The following CIP2A variants were observed in gnomAD, a reference collection of about 807,000 sequenced individuals.
The protein encoded by CIP2A is cellular inhibitor of PP2A.
A neutral mutation model predicts 110.9 loss-of-function variants in CIP2A; 103 were observed. That is an observed-to-expected ratio of 0.93 (90% CI 0.79 to 1.09). The LOEUF is 1.09. Among genes scored for constraint, CIP2A ranks in the 50% least tolerant of loss-of-function variants. The pLI, the probability that CIP2A is intolerant of heterozygous loss-of-function variation, is 0.00. For synonymous variants in CIP2A, 381 were observed against 361.6 expected (o/e 1.05, Z -0.61); for missense variants, 1,088 against 1,038.4 (o/e 1.05, Z -0.66).
intron 11 of CIP2A, among the ~76,000 whole-genome samples, chr3:108,565,906 T>G (rs1306916715): frequency 1.3e-5 from 2 of 151,764 alleles, no homozygotes; most frequent in African/African-American, 4.8e-5. Context: ...ACTCTAAAGG[T>G]CCACAATTAC....
Position 108,551,294 on chromosome 3 carries a change from G to A in CIP2A, c.2573C>T (p.Ala858Val), listed in dbSNP as rs754553542. 2 of 1,611,356 alleles carry A rather than the reference G, an allele frequency of 1.2e-6. No individual in the cohort carries two copies. Among genetic ancestry groups the A allele is most frequent in the African/African-American group, 2.7e-5 (2 of 74,806 alleles). ...IKASSLEVQK[A>V]QLEGRLEEKE... ...CTCTTCCAAACGACCTTCTAATTGT[G>A]CCTTTTGAACCTCTAGGGAGGAAGC... The change falls in exon 21 of 21, where the codon GCA becomes GTA. Residue 858 changes from alanine (A) to valine (V), a missense_variant. Ala to Val is a moderately conservative substitution (Grantham distance 64, BLOSUM62 0). Coordinates refer to ENST00000295746, the MANE Select transcript of CIP2A (RefSeq NM_020890.3).
chr3:108,579,450 A>G, intron 6 of CIP2A, 24 bp from the exon 7 acceptor site: 2 of 1,583,194 alleles, frequency 1.3e-6, no homozygotes, highest in Admixed American at 1.8e-5. Context: ...TAGAAAAAGC[A>G]TATTAGACAA....
At chr3:108,582,230 T>C in intron 3 of CIP2A, 28 bp from the exon 4 acceptor site, 3 of 953,558 alleles carry the variant, frequency 3.1e-6, no homozygotes, top group Non-Finnish European at 4.8e-6. Context: ...GTTATAAATA[T>C]AAAGATATAA....
At chr3:108,572,723 AG>A (rs1237147229) in intron 8 of CIP2A, among the ~76,000 whole-genome samples, 1 of 149,200 alleles carries the variant, frequency 6.7e-6, no homozygotes, top group Non-Finnish European at 1.5e-5. Flanking sequence ...TTTTAATAAT[AG>A]ATTTTAGATT....
chr3:108,572,729 T>C (rs1938440552), intron 8 of CIP2A, among the ~76,000 whole-genome samples: 1 of 144,992 alleles, frequency 6.9e-6, no homozygotes, highest in South Asian at 2.3e-4. Flanking sequence ...TAATAGATTT[T>C]AGATTTTCTA....
In CIP2A at chr3:108,573,926, T is replaced by G. The variant is rs777486648; in HGVS notation, c.894+2345A>C. Among the ~76,000 whole-genome samples the G allele has an allele frequency of 7.9e-4, 120 of 152,216 alleles. 1 individual carries two copies. The highest frequency in any genetic ancestry group is 1.5e-3 in the Non-Finnish European group (100 of 67,984). On this transcript the variant is annotated intron_variant, in intron 8 of 20. Coordinates refer to ENST00000295746, the MANE Select transcript of CIP2A (RefSeq NM_020890.3). ...ACACAAAAGTCACTTGTAGGAAGAT[T>G]ACAGATCTATATGTGAAAGTTAAAA...
chr3:108,571,747 T>A (rs974304359), intron 8 of CIP2A, among the ~76,000 whole-genome samples: 18 of 152,200 alleles, frequency 1.2e-4, no homozygotes, highest in Admixed American at 1.2e-3. Context: ...TTTGTACACA[T>A]GTAAACAATT....
chr3:108,551,181 T>G lies in CIP2A; in HGVS notation c.2686A>C (p.Ile896Leu), dbSNP rs769844710. ...CTGAGATTCACAGTTTCTGGATTTATTTTTCCACCACTTAAACTGTGGATC... is the reference window on the plus strand; with the variant it reads ...CTGAGATTCACAGTTTCTGGATTTAGTTTTCCACCACTTAAACTGTGGATC... ...AMIHSLSGGKINPETVNLSI is the reference protein window; with the variant it reads ...AMIHSLSGGKLNPETVNLSI The change falls in exon 21 of 21, where the codon ATA becomes CTA. Residue 896 changes from isoleucine to leucine, a missense_variant. Coordinates refer to ENST00000295746, the MANE Select transcript of CIP2A (RefSeq NM_020890.3). The G allele has an allele frequency of 1.2e-6, 2 of 1,605,952 alleles. No homozygotes were observed. The highest frequency in any genetic ancestry group is 3.4e-5 in the Admixed American group (2 of 59,508).
chr3:108,578,179 T>C (rs1024196817), intron 7 of CIP2A, among the ~76,000 whole-genome samples: 1 of 152,248 alleles, frequency 6.6e-6, no homozygotes, highest in African/African-American at 2.4e-5. Flanking sequence ...ATGATTAAGC[T>C]ACCTCTTATT....
At chr3:108,581,862 T>C (rs1303828999) in intron 4 of CIP2A, among the ~76,000 whole-genome samples, 1 of 152,202 alleles carries the variant, frequency 6.6e-6, no homozygotes, top group Admixed American at 6.5e-5. Context: ...CATAAATTTT[T>C]CTTATGAAAA....
At chr3:108,575,115 C>T (rs7646907) in intron 8 of CIP2A, 21,597 of 151,880 alleles carry the variant, frequency 0.14, 1,679 homozygotes, top group South Asian at 0.27. Context: ...AATCATACTC[C>T]CTTGTCCAAA....
intron 11 of CIP2A, 27 bp from the exon 12 acceptor site, chr3:108,565,481 A>C: frequency 7.8e-7 from 1 of 1,280,984 alleles, no homozygotes; most frequent in Non-Finnish European, 1.1e-6. Flanking sequence ...CATTTAAATT[A>C]GATAACTGAA....
At chr3:108,566,393 T>A (rs1938181930) in intron 11 of CIP2A, 104 bp downstream of exon 11, 7 of 832,172 alleles carry the variant, frequency 8.4e-6, no homozygotes, top group Non-Finnish European at 9.5e-6. Context: ...ATCTGTTATA[T>A]CTTAAGTTAT....
intron 7 of CIP2A, among the ~76,000 whole-genome samples, chr3:108,578,404 A>G (rs1326047646): frequency 6.6e-6 from 1 of 152,232 alleles, no homozygotes; most frequent in Non-Finnish European, 1.5e-5. Context: ...TAAGAGAAGA[A>G]AAAGTGAAAT....
Position 108,562,760 on chromosome 3 carries a change from G to A in CIP2A, c.1634+366C>T, listed in dbSNP as rs530801025. 3.9e-5 allele frequency among the ~76,000 whole-genome samples: 6 copies of A among 152,132 alleles called. No homozygotes were observed. In the East Asian group the frequency reaches 1.2e-3, roughly 29 times the overall value. ...CATGGATAACCCAGGCCTGGTCAAT[G>A]ACTAATGCTTAGACCTTTTCCTTAA... On this transcript the variant is annotated intron_variant, in intron 13 of 20. Transcript: ENST00000295746.
Position 108,550,584 on chromosome 3 carries a change from C to T in CIP2A, c.*565G>A, listed in dbSNP as rs1459597489. ...ATTTTTATACATTTTATTACCATTG[C>T]ATTTTTTTCAAATTTAGAAATTATG... On this transcript the variant is annotated 3_prime_UTR_variant, in exon 21 of 21. Transcript: ENST00000295746. 6.6e-6 allele frequency: 1 copy of T among 151,350 alleles called. No individual in the cohort carries two copies. Among genetic ancestry groups the T allele is most frequent in the Non-Finnish European group, 1.5e-5 (1 of 67,686 alleles). 9.4% of individuals were successfully genotyped at this position (151,350 alleles called of 1,614,324 possible).
chr3:108,584,326 A>G (rs2107371160), intron 2 of CIP2A, among the ~76,000 whole-genome samples: 1 of 152,298 alleles, frequency 6.6e-6, no homozygotes, highest in South Asian at 2.1e-4. Flanking sequence ...CAACCAATTA[A>G]AGATCCAAAA....
At chr3:108,585,437 T>G (rs926742536) in intron 1 of CIP2A, among the ~76,000 whole-genome samples, 1 of 152,120 alleles carries the variant, frequency 6.6e-6, no homozygotes. Flanking sequence ...TAAAATAATT[T>G]CCACCAGGAA....
At chr3:108,564,114 C>T (rs1245821630) in intron 12 of CIP2A, among the ~76,000 whole-genome samples, 2 of 151,920 alleles carry the variant, frequency 1.3e-5, no homozygotes, top group Non-Finnish European at 2.9e-5. Context: ...CTTGTAGGTA[C>T]TTGAGTATAA....
Sources: gnomAD v4.1 joint callset for allele counts (sites outside exome capture counted in the v4.1 genomes callset) on GRCh38, gnomAD v4.1.1 for gene constraint, MANE v1.5 for transcripts, NCBI Gene and HGNC (gene_info 2026-07-23, HGNC 2026-07-21) for gene names.